The following PIK3R4 variants were observed in gnomAD, a reference collection of about 807,000 sequenced individuals.
PIK3R4 encodes the protein phosphoinositide 3-kinase regulatory subunit 4.
In PIK3R4, 46 loss-of-function variants were observed where a neutral mutation model predicts 136.5. That is an observed-to-expected ratio of 0.34 (90% CI 0.27 to 0.43). The LOEUF (loss-of-function observed/expected upper bound fraction) is 0.43. Ranked by LOEUF, PIK3R4 falls within the 20% of genes least tolerant of loss-of-function variation. The probability of loss-of-function intolerance (pLI) is 1.00; values close to 1 mark genes in which losing one functional copy is unlikely to be tolerated. For missense variants in PIK3R4, 1,331 were observed against 1,649.5 expected, an observed-to-expected ratio of 0.81 and a Z score of 3.35; for synonymous variants, 557 against 566.7, an observed-to-expected ratio of 0.98 and a Z score of 0.24.
chr3:130,712,495 C>T (rs543316871), intron 9 of PIK3R4, among the ~76,000 whole-genome samples: 2 of 151,898 alleles, frequency 1.3e-5, no homozygotes, highest in Admixed American at 1.3e-4. Context: ...ATGGAGAAAC[C>T]CCGTCTCTAC....
chr3:130,713,508 A>G (rs1030030183), intron 9 of PIK3R4, among the ~76,000 whole-genome samples: 1 of 152,214 alleles, frequency 6.6e-6, no homozygotes, highest in East Asian at 1.9e-4. Flanking sequence ...CGTAGGAAGC[A>G]GGAAGTAGAA....
In PIK3R4 at chr3:130,744,667, A is replaced by G; in HGVS notation, c.552T>C (p.Asn184=). The change falls in exon 2 of 20, where the codon AAT becomes AAC. Residue 184 remains asparagine (N), a synonymous_variant. Coordinates refer to ENST00000356763, the MANE Select transcript of PIK3R4 (RefSeq NM_014602.3). ...YLPEDNPADF[N]YFFDTSRRRT... ...TCCTCCGTGATGTGTCAAAGAAATA[A>G]TTGAAATCTGCCGGGTTGTCTTCTG... 1 of 1,614,236 alleles carries G rather than the reference A, an allele frequency of 6.2e-7. No homozygotes were observed. Among genetic ancestry groups the G allele is most frequent in the African/African-American group, 1.3e-5 (1 of 75,056 alleles).
chr3:130,723,337 T>C, intron 7 of PIK3R4, 77 bp downstream of exon 7: 2 of 1,232,402 alleles, frequency 1.6e-6, no homozygotes, highest in South Asian at 1.5e-5. Flanking sequence ...AACAATAAAG[T>C]TGCAATTCTT....
chr3:130,703,056 C>T (rs928445576), intron 13 of PIK3R4, among the ~76,000 whole-genome samples: 10 of 152,212 alleles, frequency 6.6e-5, no homozygotes, highest in African/African-American at 1.2e-4. Context: ...TTCTGCCCTG[C>T]TCCTCTTCAG....
chr3:130,684,562 T>C (rs191232920), intron 15 of PIK3R4, among the ~76,000 whole-genome samples, 181 bp from the exon 16 acceptor site: 9 of 152,348 alleles, frequency 5.9e-5, no homozygotes, highest in African/African-American at 2.2e-4. Flanking sequence ...ACCCCTTTGG[T>C]TGATAAATAA....
Position 130,716,445 on chromosome 3 carries a change from G to A in PIK3R4, c.2282C>T (p.Pro761Leu), listed in dbSNP as rs147331212. 5.8e-4 allele frequency: 936 copies of A among 1,614,178 alleles called. No homozygotes were observed. The highest frequency in any genetic ancestry group is 4.4e-4 in the Non-Finnish European group (515 of 1,180,022). The change falls in exon 9 of 20, where the codon CCG becomes CTG. Residue 761 changes from proline (P) to leucine (L), a missense_variant. Pro to Leu is a moderately conservative substitution (Grantham distance 98). This residue lies in a region of PIK3R4 where 1,180 missense variants were observed against 1,407.0 expected (regional missense o/e 0.84). Coordinates refer to ENST00000356763, the MANE Select transcript of PIK3R4 (RefSeq NM_014602.3). ...KRNGSLPDCP[P>L]PEDPAIAQLL... ...CTGTGCTATGGCAGGATCCTCTGGC[G>A]GAGGGCAGTCGGGAAGAGAACCATT...
chr3:130,708,199 G>C (rs1341033696), intron 10 of PIK3R4, 92 bp downstream of exon 10: 1 of 998,772 alleles, frequency 1.0e-6, no homozygotes, highest in Non-Finnish European at 1.5e-6. Flanking sequence ...CTGTGAAATG[G>C]GGCTTTTTAT....
intron 2 of PIK3R4, among the ~76,000 whole-genome samples, chr3:130,739,439 A>G (rs1240946587): frequency 1.3e-5 from 2 of 151,894 alleles, no homozygotes; most frequent in Non-Finnish European, 2.9e-5. Context: ...TGGTGTGATC[A>G]CAGTTCACTG....
intron 1 of PIK3R4, 59 bp from the exon 2 acceptor site, chr3:130,745,323 C>A (rs2066846358): frequency 8.9e-7 from 1 of 1,120,534 alleles, no homozygotes; most frequent in Non-Finnish European, 1.2e-6. Context: ...CTGTGAAACA[C>A]CATTATTCCA....
chr3:130,732,905 A>G (rs527265681), intron 4 of PIK3R4, among the ~76,000 whole-genome samples: 1 of 152,010 alleles, frequency 6.6e-6, no homozygotes, highest in Admixed American at 6.5e-5. Context: ...ATATATATTC[A>G]GTGATATTAT....
Position 130,728,687 on chromosome 3 carries a change from A to C in PIK3R4, c.1586-3T>G. On this transcript the variant is annotated splice_polypyrimidine_tract_variant and splice_region_variant and intron_variant, in intron 5 of 19. Transcript: ENST00000356763. Reference sequence around the variant, plus strand: ...CATTTCATGTAAGGCTTGGAGCTCTAAAAAAAAAAAAAAAAGAAAGAAAGA... The same window carrying C: ...CATTTCATGTAAGGCTTGGAGCTCTCAAAAAAAAAAAAAAAGAAAGAAAGA... 1 of 273,434 alleles carries C rather than the reference A, an allele frequency of 3.7e-6. No individual in the cohort carries two copies. The highest frequency in any genetic ancestry group is 5.1e-6 in the Non-Finnish European group (1 of 195,550). 16.9% of individuals were successfully genotyped at this position (273,434 alleles called of 1,614,324 possible). A position where few individuals can be genotyped will look rare whatever the true frequency, so the allele number is the denominator to read the frequency against.
At chr3:130,704,797 G>A (rs188561240) in intron 12 of PIK3R4, among the ~76,000 whole-genome samples, 1 of 151,836 alleles carries the variant, frequency 6.6e-6, no homozygotes, top group African/African-American at 2.4e-5. Context: ...TAGGGTTAGA[G>A]GTGATGTTGT....
chr3:130,692,078 T>C (rs535060291), intron 13 of PIK3R4, among the ~76,000 whole-genome samples: 307 of 152,018 alleles, frequency 2.0e-3, no homozygotes, highest in South Asian at 0.014. Flanking sequence ...GGTTTCACCA[T>C]GTTAGCCAGA....
intron 6 of PIK3R4, among the ~76,000 whole-genome samples, chr3:130,727,445 GA>G (rs2066739167): frequency 6.6e-6 from 1 of 152,090 alleles, no homozygotes; most frequent in African/African-American, 2.4e-5. Flanking sequence ...GGATGGTCTC[GA>G]TCTCCTAACC....
At chr3:130,734,663 G>A (rs1439703594) in intron 3 of PIK3R4, among the ~76,000 whole-genome samples, 1 of 152,148 alleles carries the variant, frequency 6.6e-6, no homozygotes, top group Non-Finnish European at 1.5e-5. Context: ...GTGGCTTAAA[G>A]TTTTCAAATA....
intron 17 of PIK3R4, 71 bp downstream of exon 17, chr3:130,681,420 G>T: frequency 9.8e-7 from 1 of 1,022,542 alleles, no homozygotes; most frequent in Non-Finnish European, 1.5e-6. Context: ...TACTAGGTTT[G>T]ATTAAATGCC....
intron 9 of PIK3R4, among the ~76,000 whole-genome samples, chr3:130,713,614 A>G (rs1171577928): frequency 6.6e-6 from 1 of 152,196 alleles, no homozygotes. Flanking sequence ...ATGAGGGGCT[A>G]GGGTGGCCCC....
At chr3:130,740,278 C>A (rs898084451) in intron 2 of PIK3R4, among the ~76,000 whole-genome samples, 2 of 152,248 alleles carry the variant, frequency 1.3e-5, no homozygotes, top group Admixed American at 1.3e-4. Flanking sequence ...AAATGTAATA[C>A]CTGAACCCTA....
intron 18 of PIK3R4, 22 bp downstream of exon 18, chr3:130,680,955 T>A: frequency 1.7e-6 from 2 of 1,196,324 alleles, no homozygotes; most frequent in Non-Finnish European, 1.2e-6. Context: ...ATCCATTTTA[T>A]TAAAGTATTG....
Sources: gnomAD v4.1 joint callset for allele counts (sites outside exome capture counted in the v4.1 genomes callset) on GRCh38, gnomAD v4.1.1 for gene constraint, gnomAD v4.1.1 regional missense constraint, MANE v1.5 for transcripts, NCBI Gene and HGNC (gene_info 2026-07-23, HGNC 2026-07-21) for gene names.